Variants in TXLNB observed in about 807,000 individuals in gnomAD.
The protein encoded by TXLNB is taxilin beta.
TXLNB carries 37 observed loss-of-function variants against 57.4 expected under a neutral mutation model. The ratio of observed to expected loss-of-function variants is 0.64; its 90% CI spans 0.50 to 0.85. The LOEUF (loss-of-function observed/expected upper bound fraction) is 0.85. Among genes scored for constraint, TXLNB ranks in the 40% least tolerant of loss-of-function variants. TXLNB has a pLI of 0.00. For synonymous variants in TXLNB, 302 were observed against 309.6 expected (o/e 0.98, Z 0.26); for missense variants, 848 against 825.6 (o/e 1.03, Z -0.33).
chr6:139,320,159 C>G, the TXLNB span, among the ~76,000 whole-genome samples: 1 of 152,074 alleles, frequency 6.6e-6, no homozygotes, highest in African/African-American at 2.4e-5. Flanking sequence ...ACTTCTCTTT[C>G]CCTTAAATAA....
rs745382190 is a variant in TXLNB at position 139,242,617 on chromosome 6, G to A, written c.1964C>T (p.Pro655Leu). ...VPACEPSRQP[P>L]RAAAEELPVG... ...TGGCAGCTCCTCTGCTGCTGCTCGT[G>A]GGGGCTGCCTACTGGGCTCGCATGC... is the stretch of plus-strand genomic sequence containing the variant. Residue 655 changes from proline to leucine, a missense_variant, in exon 10 of 10, where the codon CCA (proline) becomes CTA (leucine). Transcript: ENST00000358430. 1.9e-6 allele frequency: 3 copies of A among 1,595,078 alleles called. No homozygotes were observed. The highest frequency in any genetic ancestry group is 2.6e-6 in the Non-Finnish European group (3 of 1,171,626).
At chr6:139,201,715 T>C in the TXLNB span, 4 of 152,240 alleles carry the variant, frequency 2.6e-5, no homozygotes, top group African/African-American at 9.6e-5. Context: ...CAGCCCTGAT[T>C]CCCCGACAGT....
the TXLNB span, among the ~76,000 whole-genome samples, chr6:139,174,851 A>G: frequency 6.6e-6 from 1 of 152,172 alleles, no homozygotes; most frequent in Admixed American, 6.5e-5. Context: ...CTGTTACCAG[A>G]TGGTCTCAGT....
chr6:139,180,899 A>C, the TXLNB span: 1 of 152,568 alleles, frequency 6.6e-6, no homozygotes, highest in African/African-American at 2.4e-5. Flanking sequence ...AAGCTTTCTG[A>C]GGTTTTGATC....
rs145031204 is a variant in TXLNB, at chr6:139,284,840, C to T, written c.424+3636G>A. 2.0e-3 allele frequency among the ~76,000 whole-genome samples: 288 copies of T among 146,472 alleles called. 38 individuals are homozygous for T. The highest frequency in any genetic ancestry group is 6.8e-3 in the African/African-American group (273 of 39,894). Reference sequence around the variant, plus strand: ...TTTAACTGAAAAGTAGCTAAGAAGGCTGCCAAAGCTACTTGCAAACAACTG... The same window carrying T: ...TTTAACTGAAAAGTAGCTAAGAAGGTTGCCAAAGCTACTTGCAAACAACTG... On this transcript the variant is annotated intron_variant, in intron 2 of 9. Transcript: ENST00000358430.
the TXLNB span, chr6:139,174,638 G>T: frequency 1.3e-6 from 2 of 1,508,786 alleles, no homozygotes; most frequent in Non-Finnish European, 8.9e-7. Context: ...AAGAAATTCA[G>T]TCCAGCAATG....
the TXLNB span, among the ~76,000 whole-genome samples, chr6:139,171,964 G>A: frequency 6.6e-6 from 1 of 152,080 alleles, no homozygotes; most frequent in African/African-American, 2.4e-5. Flanking sequence ...ATGAGTAGCT[G>A]GGACTACAGG....
the TXLNB span, chr6:139,166,199 A>G: frequency 9.2e-7 from 1 of 1,087,464 alleles, no homozygotes; most frequent in Non-Finnish European, 1.3e-6. Flanking sequence ...TCTTAGAAAA[A>G]CCTTATACCA....
chr6:139,225,062 T>C, the TXLNB span, among the ~76,000 whole-genome samples: 1 of 152,146 alleles, frequency 6.6e-6, no homozygotes, highest in Non-Finnish European at 1.5e-5. Context: ...GTAACCCACC[T>C]TGTTAACAGA....
At chr6:139,159,462 T>TA in the TXLNB span, among the ~76,000 whole-genome samples, 38 of 149,726 alleles carry the variant, frequency 2.5e-4, no homozygotes, top group South Asian at 1.3e-3. Flanking sequence ...TTTCCTCCTT[T>TA]AAAAAAAAAA....
the TXLNB span, among the ~76,000 whole-genome samples, chr6:139,218,330 C>A: frequency 3.9e-5 from 6 of 152,140 alleles, no homozygotes; most frequent in Admixed American, 2.0e-4. Context: ...GTGCTATTAA[C>A]ACACATAGAT....
At chr6:139,272,247 C>T (rs1406176752) in intron 3 of TXLNB, among the ~76,000 whole-genome samples, 1 of 152,102 alleles carries the variant, frequency 6.6e-6, no homozygotes, top group Admixed American at 6.6e-5. Flanking sequence ...ATGGAGGTTG[C>T]AGTGAGTCAT....
the TXLNB span, among the ~76,000 whole-genome samples, chr6:139,229,465 C>A: frequency 6.6e-6 from 1 of 152,022 alleles, no homozygotes; most frequent in Non-Finnish European, 1.5e-5. Context: ...TAGAATTACA[C>A]GTGCCTGCCA....
At chr6:139,200,126 C>T in the TXLNB span, 2 of 152,316 alleles carry the variant, frequency 1.3e-5, no homozygotes, top group African/African-American at 4.8e-5. Flanking sequence ...GAGGACTCCC[C>T]TGCAGCCTTG....
At chr6:139,309,458 T>G in the TXLNB span, among the ~76,000 whole-genome samples, 1 of 152,202 alleles carries the variant, frequency 6.6e-6, no homozygotes, top group South Asian at 2.1e-4. Flanking sequence ...TCCTTTTCTT[T>G]CTTCTTTCCT....
the TXLNB span, among the ~76,000 whole-genome samples, chr6:139,214,644 G>T: frequency 6.6e-6 from 1 of 152,172 alleles, no homozygotes; most frequent in Non-Finnish European, 1.5e-5. Flanking sequence ...TCAGGCAGGA[G>T]AAGGAAATAA....
chr6:139,188,473 G>GAA, the TXLNB span, among the ~76,000 whole-genome samples: 1 of 152,052 alleles, frequency 6.6e-6, no homozygotes. Flanking sequence ...TCTAAAACAG[G>GAA]ATCTGTGATC....
chr6:139,221,723 A>G, the TXLNB span, among the ~76,000 whole-genome samples: 242 of 152,342 alleles, frequency 1.6e-3, no homozygotes, highest in Middle Eastern at 3.4e-3. Flanking sequence ...ACTGGAAAAT[A>G]TTATAGCTGA....
chr6:139,244,530 G>GTATC (rs1776026129), intron 9 of TXLNB, 65 bp downstream of exon 9: 1 of 1,094,640 alleles, frequency 9.1e-7, no homozygotes, highest in South Asian at 1.3e-5. Flanking sequence ...GGTTATAATT[G>GTATC]TATCGTAAGT....
Sources: gnomAD v4.1 joint callset for allele counts (sites outside exome capture counted in the v4.1 genomes callset) on GRCh38, gnomAD v4.1.1 for gene constraint, MANE v1.5 for transcripts, NCBI Gene and HGNC (gene_info 2026-07-23, HGNC 2026-07-21) for gene names.